XPO6: variants seen among roughly 807,000 people sequenced by gnomAD.
XPO6 encodes the protein exportin-6.
In XPO6, 3 loss-of-function variants were observed where a neutral mutation model predicts 130.0. The ratio of observed to expected loss-of-function variants is 0.02; its 90% CI spans 0.01 to 0.06. The LOEUF (loss-of-function observed/expected upper bound fraction) is 0.06, where lower values mean the gene tolerates loss of function less well. Ranked by LOEUF, XPO6 falls within the 10% of genes least tolerant of loss-of-function variation. The pLI is 1.00. For synonymous variants in XPO6, 524 were observed against 548.9 expected, an observed-to-expected ratio of 0.95 and a Z score of 0.63; for missense variants, 970 against 1,393.0, an observed-to-expected ratio of 0.70 and a Z score of 4.83.
intron 1 of XPO6, among the ~76,000 whole-genome samples, chr16:28,185,007 G>A (rs963467612): frequency 7.2e-5 from 11 of 152,096 alleles, no homozygotes; most frequent in Non-Finnish European, 1.0e-4. Context: ...TACCCAAAAA[G>A]TCAAAAGAAC....
chr16:28,208,732 G>C (rs2044074804), intron 1 of XPO6, among the ~76,000 whole-genome samples: 1 of 152,206 alleles, frequency 6.6e-6, no homozygotes, highest in Non-Finnish European at 1.5e-5. Context: ...AGGGTGCTGG[G>C]CTAGCTCAGT....
chr16:28,211,468 C>T lies in XPO6; in HGVS notation c.-100G>A, dbSNP rs1269529426. On this transcript the variant is annotated 5_prime_UTR_variant, in exon 1 of 24. Coordinates refer to ENST00000304658, the MANE Select transcript of XPO6 (RefSeq NM_015171.4). ...CATGGTCCCGGCAGACTCGGGAAGT[C>T]CCCCACCCATGCAAAGACAACCCCT... 1.3e-5 allele frequency: 16 copies of T among 1,259,974 alleles called. No individual in the cohort carries two copies. Among genetic ancestry groups the T allele is most frequent in the Non-Finnish European group, 1.6e-5 (16 of 984,204 alleles). The allele number at this position is 1,259,974 out of a possible 1,614,324, so 78.0% of individuals were successfully genotyped here.
chr16:28,151,358 T>C (rs1567624261), intron 8 of XPO6, among the ~76,000 whole-genome samples: 1 of 152,138 alleles, frequency 6.6e-6, no homozygotes, highest in African/African-American at 2.4e-5. Context: ...GGGAGTGAAC[T>C]TGCAAACAAT....
Position 28,106,270 on chromosome 16 carries a change from T to C in XPO6, c.2613-56A>G, listed in dbSNP as rs1270086841. 6.2e-7 allele frequency: 1 copy of C among 1,607,978 alleles called. No homozygotes were observed. Among genetic ancestry groups the C allele is most frequent in the Non-Finnish European group, 8.5e-7 (1 of 1,175,630 alleles). On this transcript the variant is annotated intron_variant, in intron 19 of 23. Coordinates refer to ENST00000304658, the MANE Select transcript of XPO6 (RefSeq NM_015171.4). The surrounding 1 kb of genome is among the most constrained non-coding windows in gnomAD (Gnocchi z 4.2). ...CCACATGTTTCTCTGGGGGCCAGCA[T>C]GAAAACCCATGCTGTGGCAAGTGCA...
intron 1 of XPO6, among the ~76,000 whole-genome samples, chr16:28,185,383 T>C (rs1052862291): frequency 1.3e-5 from 2 of 152,042 alleles, no homozygotes; most frequent in African/African-American, 2.4e-5. Flanking sequence ...ATAATAATAA[T>C]TTAAATAAGT....
chr16:28,148,464 A>T (rs917702497), intron 8 of XPO6, among the ~76,000 whole-genome samples: 3 of 152,316 alleles, frequency 2.0e-5, no homozygotes, highest in Admixed American at 2.0e-4. Context: ...AAACCTTCAC[A>T]GACCCATTTT....
At chr16:28,166,850 G>A in intron 5 of XPO6, 1 of 981,144 alleles carries the variant, frequency 1.0e-6, no homozygotes, top group Non-Finnish European at 1.2e-6. Context: ...CCTGGTTGCT[G>A]CATGCACTCA....
chr16:28,152,165 T>C (rs1447694188), intron 8 of XPO6, among the ~76,000 whole-genome samples: 2 of 152,042 alleles, frequency 1.3e-5, no homozygotes, highest in African/African-American at 2.4e-5. Flanking sequence ...CTTGTGAAGG[T>C]TGTATGTCTA....
chr16:28,130,484 CAG>C (rs1348440909), intron 12 of XPO6, among the ~76,000 whole-genome samples: 5 of 152,296 alleles, frequency 3.3e-5, no homozygotes, highest in African/African-American at 1.2e-4. Context: ...AAAATGTACT[CAG>C]AGTTTCCATT....
chr16:28,111,731 G>A lies in XPO6; in HGVS notation c.2341+86C>T, dbSNP rs978455299. On this transcript the variant is annotated intron_variant, in intron 17 of 23. Coordinates refer to ENST00000304658, the MANE Select transcript of XPO6 (RefSeq NM_015171.4). ...TATGAACAAAAAAAATTTACCTCAG[G>A]AGCCTCCGGGGCAAATCTCATCTGC... 2.0e-6 allele frequency: 3 copies of A among 1,494,974 alleles called. No individual in the cohort carries two copies. In the African/African-American group the frequency reaches 4.2e-5, roughly 21 times the overall value. The allele number at this position is 1,494,974 out of a possible 1,614,324, so 92.6% of individuals were successfully genotyped here.
chr16:28,204,384 T>TA (rs1381804393), intron 1 of XPO6, among the ~76,000 whole-genome samples: 3 of 151,580 alleles, frequency 2.0e-5, no homozygotes, highest in African/African-American at 7.3e-5. Flanking sequence ...ACTCGAGGCT[T>TA]AAAGGTTTAG....
At chr16:28,155,054 C>T (rs1054986478) in intron 7 of XPO6, among the ~76,000 whole-genome samples, 1 of 152,094 alleles carries the variant, frequency 6.6e-6, no homozygotes, top group African/African-American at 2.4e-5. Context: ...ATCTTATGTA[C>T]CAATTTTTTA....
intron 9 of XPO6, among the ~76,000 whole-genome samples, chr16:28,145,376 G>A (rs2042965506): frequency 1.3e-5 from 2 of 151,970 alleles, no homozygotes; most frequent in African/African-American, 4.8e-5. Context: ...CCACCCTGTG[G>A]CACAAAGAAC....
intron 1 of XPO6, among the ~76,000 whole-genome samples, chr16:28,208,310 C>T (rs1249553171): frequency 1.3e-5 from 2 of 151,988 alleles, no homozygotes; most frequent in Non-Finnish European, 2.9e-5. Flanking sequence ...CAACTAATAC[C>T]CTTAAAAGTA....
At chr16:28,202,565 G>C (rs367896347) in intron 1 of XPO6, among the ~76,000 whole-genome samples, 1 of 152,180 alleles carries the variant, frequency 6.6e-6, no homozygotes, top group Admixed American at 6.5e-5. Flanking sequence ...GAAGCAGGGG[G>C]GCGCTATAGA....
At chr16:28,117,596 C>G (rs2087101352) in intron 14 of XPO6, 134 bp from the exon 15 acceptor site, 6 of 1,088,342 alleles carry the variant, frequency 5.5e-6, no homozygotes, top group African/African-American at 1.6e-5. Context: ...GCATAGAAAT[C>G]ATTTACCGGT....
intron 14 of XPO6, 63 bp from the exon 15 acceptor site, chr16:28,117,525 C>A (rs1176450326): frequency 1.3e-6 from 2 of 1,566,980 alleles, no homozygotes; most frequent in Admixed American, 1.8e-5. Context: ...GCGTTCAACT[C>A]ATTTTCATAG....
chr16:28,104,443 G>A (rs1596776526), intron 21 of XPO6, 103 bp downstream of exon 21: 4 of 1,413,288 alleles, frequency 2.8e-6, no homozygotes, highest in East Asian at 2.3e-5. Flanking sequence ...CTAACAGGCA[G>A]AACTGAGCTT....
In XPO6 at chr16:28,111,938, A is replaced by C; in HGVS notation, c.2220T>G (p.Asn740Lys). ...LLLPWPNLPE[N>K]EQQWPVRSIN... ...TGGAGCGCACGGGCCACTGCTGCTC[A>C]TTCTCTGGAAGGTTTGGCCACGGAA... The change falls in exon 17 of 24, where the codon AAT (asparagine) becomes AAG (lysine). Residue 740 changes from asparagine to lysine, a missense_variant. Physicochemically the swap from Asn to Lys is moderately conservative, Grantham distance 94. Transcript: ENST00000304658. 1 of 1,614,154 alleles carries C rather than the reference A, an allele frequency of 6.2e-7. No individual in the cohort carries two copies. The highest frequency in any genetic ancestry group is 8.5e-7 in the Non-Finnish European group (1 of 1,180,018).
Sources: allele counts gnomAD v4.1 joint callset (sites outside exome capture counted in the v4.1 genomes callset), GRCh38; gene constraint gnomAD v4.1.1; non-coding constraint Gnocchi (gnomAD v3.1); transcripts MANE v1.5; gene names NCBI Gene and HGNC (gene_info 2026-07-23, HGNC 2026-07-21).